RRBP1: variants seen among roughly 807,000 people sequenced by gnomAD.
RRBP1 encodes ribosome binding protein 1.
A neutral mutation model predicts 165.2 loss-of-function variants in RRBP1; 94 were observed. That is an observed-to-expected ratio of 0.57 (90% CI 0.48 to 0.68). RRBP1 has a LOEUF of 0.68. Ranked by LOEUF, RRBP1 falls within the 30% of genes least tolerant of loss-of-function variation. The pLI is 0.00. For missense variants in RRBP1, 1,676 were observed against 1,763.0 expected, an observed-to-expected ratio of 0.95 and a Z score of 0.88; for synonymous variants, 680 against 714.5, an observed-to-expected ratio of 0.95 and a Z score of 0.77.
At chr20:17,657,935 A>G (rs1244443499) in intron 3 of RRBP1, among the ~76,000 whole-genome samples, 1 of 152,230 alleles carries the variant, frequency 6.6e-6, no homozygotes, top group Non-Finnish European at 1.5e-5. Flanking sequence ...CAGGCTGCAC[A>G]AAAGCATCAG....
intron 8 of RRBP1, 151 bp downstream of exon 8, chr20:17,633,309 A>G (rs2036187384): frequency 4.8e-6 from 4 of 834,868 alleles, no homozygotes; most frequent in Non-Finnish European, 7.5e-6. Context: ...GAAGAGTTTG[A>G]GCCCCAGCCC....
chr20:17,647,466 C>A (rs2036484389), intron 3 of RRBP1, among the ~76,000 whole-genome samples: 1 of 152,226 alleles, frequency 6.6e-6, no homozygotes, highest in African/African-American at 2.4e-5. Context: ...CTGTAGGCAA[C>A]AAGCGATGCC....
chr20:17,665,759 C>T (rs971601305), intron 2 of RRBP1, among the ~76,000 whole-genome samples: 1 of 152,176 alleles, frequency 6.6e-6, no homozygotes, highest in Non-Finnish European at 1.5e-5. Flanking sequence ...CACCCAGGGT[C>T]GCTTCCTGGA....
chr20:17,636,665 G>C lies in RRBP1; in HGVS notation c.2249C>G (p.Ala750Gly). The change falls in exon 6 of 25, where the codon GCC (alanine) becomes GGC (glycine). Residue 750 changes from alanine to glycine, a missense_variant. By Grantham distance (60) the Ala-to-Gly change is moderately conservative (BLOSUM62 0). Around this residue, in one of 5 missense-constraint regions of RRBP1, gnomAD observed 1,184 missense variants for 1,167.1 expected, o/e 1.01. Coordinates refer to ENST00000377813, the MANE Select transcript of RRBP1 (RefSeq NM_001365613.2). The part of the protein sequence containing the change: ...GEAKVKKQLV[A>G]REQEITAVQA... ...CACAGCCGTGATCTCCTGCTCCCGGGCCACCAGCTGCTTTTTCACTTTGGC... is the reference window on the plus strand; with the variant it reads ...CACAGCCGTGATCTCCTGCTCCCGGCCCACCAGCTGCTTTTTCACTTTGGC... The C allele has an allele frequency of 6.2e-7, 1 of 1,613,244 alleles. No individual in the cohort carries two copies. The highest frequency in any genetic ancestry group is 8.5e-7 in the Non-Finnish European group (1 of 1,180,026).
chr20:17,675,357 A>G (rs956942608), intron 2 of RRBP1, among the ~76,000 whole-genome samples: 1 of 152,236 alleles, frequency 6.6e-6, no homozygotes, highest in African/African-American at 2.4e-5. Context: ...AATCATCTCC[A>G]TTAGCTCAGC....
chr20:17,648,347 C>G (rs866959915), intron 3 of RRBP1, among the ~76,000 whole-genome samples: 1 of 152,250 alleles, frequency 6.6e-6, no homozygotes, highest in Non-Finnish European at 1.5e-5. Context: ...GACTCCTGCT[C>G]TCACTCATTG....
At chr20:17,636,261 G>A (rs2036246713) in intron 6 of RRBP1, among the ~76,000 whole-genome samples, 1 of 152,256 alleles carries the variant, frequency 6.6e-6, no homozygotes, top group Admixed American at 6.5e-5. Flanking sequence ...CATGAAGGGT[G>A]AGAACTTCAC....
chr20:17,664,474 A>C (rs2036830020), intron 2 of RRBP1, among the ~76,000 whole-genome samples: 1 of 152,252 alleles, frequency 6.6e-6, no homozygotes, highest in Non-Finnish European at 1.5e-5. Context: ...ACTGTAAGAC[A>C]AAAAGATGAA....
At chr20:17,627,981 A>G (rs183758430) in intron 9 of RRBP1, among the ~76,000 whole-genome samples, 2 of 152,290 alleles carry the variant, frequency 1.3e-5, no homozygotes, top group East Asian at 3.9e-4. Context: ...GCTTTTAAAG[A>G]TTCATCTTCT....
chr20:17,627,590 C>A lies in RRBP1; in HGVS notation c.2842G>T (p.Ala948Ser). 6.2e-7 allele frequency: 1 copy of A among 1,613,580 alleles called. No homozygotes were observed. The highest frequency in any genetic ancestry group is 8.5e-7 in the Non-Finnish European group (1 of 1,179,974). The change falls in exon 10 of 25, where the codon GCG becomes TCG. Residue 948 changes from alanine to serine, a missense_variant. Around this residue, in one of 5 missense-constraint regions of RRBP1, gnomAD observed 1,184 missense variants for 1,167.1 expected, o/e 1.01. Transcript: ENST00000377813. ...GLHGQLQEAR[A>S]ENSQLTERIR... ...CTCTCTGTGAGCTGGGAGTTCTCCG[C>A]CCTGGCCTCCTGGAGCTGCCCGTGG...
chr20:17,616,332 G>T (rs2035799125), intron 21 of RRBP1, among the ~76,000 whole-genome samples: 1 of 152,156 alleles, frequency 6.6e-6, no homozygotes, highest in South Asian at 2.1e-4. Context: ...CTCTTGGTGA[G>T]GACTCTTGGT....
rs1725272824 is a variant in RRBP1 at position 17,679,988 on chromosome 20, A to T, written c.-22+11T>A. ...TTGCGGTGCTCCATGTAAAAGGAAA[A>T]CTTCACCTACTAGGAGGTCTGCCCC... On this transcript the variant is annotated intron_variant, in intron 2 of 24. Transcript: ENST00000377813. 6.6e-6 allele frequency: 1 copy of T among 152,136 alleles called. No individual in the cohort carries two copies. Among genetic ancestry groups the T allele is most frequent in the Non-Finnish European group, 1.5e-5 (1 of 68,056 alleles). 9.4% of individuals were successfully genotyped at this position (152,136 alleles called of 1,614,324 possible).
At chr20:17,642,688 T>C (rs1226534387) in intron 4 of RRBP1, among the ~76,000 whole-genome samples, 1 of 152,128 alleles carries the variant, frequency 6.6e-6, no homozygotes, top group Non-Finnish European at 1.5e-5. Context: ...TATACCTTTC[T>C]TTCTGCACCC....
intron 4 of RRBP1, 145 bp downstream of exon 4, chr20:17,642,834 C>A: frequency 1.1e-6 from 1 of 898,598 alleles, no homozygotes; most frequent in Non-Finnish European, 1.7e-6. Context: ...CACCTGCGAG[C>A]GATCCCTCGG....
chr20:17,614,076 G>C lies in RRBP1; in HGVS notation c.*106C>G, dbSNP rs1347484109. ...CTCATGGCTTCTCTCGGAGCTACCGGAAGTTGGGCCTGGATAACGCTGTGT... is the reference window on the plus strand; with the variant it reads ...CTCATGGCTTCTCTCGGAGCTACCGCAAGTTGGGCCTGGATAACGCTGTGT... On this transcript the variant is annotated 3_prime_UTR_variant, in exon 25 of 25. Transcript: ENST00000377813. 7.1e-6 allele frequency: 8 copies of C among 1,123,680 alleles called. No homozygotes were observed. The Admixed American group carries it at 8.6e-5, about 12-fold the overall frequency. The allele number at this position is 1,123,680 out of a possible 1,614,324, so 69.6% of individuals were successfully genotyped here. A position where few individuals can be genotyped will look rare whatever the true frequency, so the allele number is the denominator to read the frequency against.
rs753994913 is a variant in RRBP1 at position 17,613,951 on chromosome 20, C to T, written c.*231G>A. On this transcript the variant is annotated 3_prime_UTR_variant, in exon 25 of 25. Coordinates refer to ENST00000377813, the MANE Select transcript of RRBP1 (RefSeq NM_001365613.2). ...GCTTTGGCGTCACTCGGCGGTGGCC[C>T]GGGGCTGCGCCCAGGATAGTGTTTA... 3.2e-5 allele frequency: 17 copies of T among 532,014 alleles called. 1 individual carries two copies. Among genetic ancestry groups the T allele is most frequent in the South Asian group, 2.6e-4 (10 of 37,930 alleles). The allele number at this position is 532,014 out of a possible 1,614,324, so 33.0% of individuals were successfully genotyped here.
intron 5 of RRBP1, among the ~76,000 whole-genome samples, chr20:17,637,445 G>A (rs942744917): frequency 1.3e-5 from 2 of 152,098 alleles, no homozygotes; most frequent in Admixed American, 1.3e-4. Flanking sequence ...GACACAATGA[G>A]CCCCTGGGGT....
chr20:17,681,683 C>A (rs1480480188), intron 1 of RRBP1, among the ~76,000 whole-genome samples: 1 of 150,064 alleles, frequency 6.7e-6, no homozygotes, highest in Admixed American at 6.6e-5. Context: ...AACTTCGGAG[C>A]GCGCTGGCCG....
At chr20:17,639,894 C>CT (rs2036318577) in intron 5 of RRBP1, among the ~76,000 whole-genome samples, 1 of 98,794 alleles carries the variant, frequency 1.0e-5, no homozygotes, top group East Asian at 3.0e-4. Context: ...ACTCCAGTCT[C>CT]AAAAAAAAAA....
Sources: allele counts gnomAD v4.1 joint callset (sites outside exome capture counted in the v4.1 genomes callset), GRCh38; gene constraint gnomAD v4.1.1; regional missense constraint gnomAD v4.1.1; transcripts MANE v1.5; gene names NCBI Gene and HGNC (gene_info 2026-07-23, HGNC 2026-07-21).